VEPH1: variants seen among roughly 807,000 people sequenced by gnomAD.
VEPH1 encodes ventricular zone-expressed PH domain-containing protein homolog 1.
VEPH1 carries 80 observed loss-of-function variants against 85.2 expected under a neutral mutation model. The observed-to-expected ratio is 0.94, with a 90% CI of 0.78 to 1.13. The LOEUF (loss-of-function observed/expected upper bound fraction) is 1.13. Ranked by LOEUF, VEPH1 falls within the 50% of genes most tolerant of loss-of-function variation. VEPH1 has a pLI of 0.00. For synonymous variants in VEPH1, 297 were observed against 348.0 expected, an observed-to-expected ratio of 0.85 and a Z score of 1.63; for missense variants, 955 against 980.5, an observed-to-expected ratio of 0.97 and a Z score of 0.35.
chr3:157,332,151 T>C (rs1722568493), intron 9 of VEPH1, among the ~76,000 whole-genome samples: 1 of 152,224 alleles, frequency 6.6e-6, no homozygotes. Context: ...TGTTTATTTG[T>C]GGAGGATATG....
intron 3 of VEPH1, 107 bp downstream of exon 3, chr3:157,470,207 C>T: frequency 2.0e-6 from 2 of 1,009,880 alleles, no homozygotes; most frequent in South Asian, 1.5e-5. Flanking sequence ...TGTCTTTTTA[C>T]AGTATCTAAA....
intron 2 of VEPH1, among the ~76,000 whole-genome samples, chr3:157,485,329 A>C (rs1169862969): frequency 6.6e-6 from 1 of 152,204 alleles, no homozygotes; most frequent in Non-Finnish European, 1.5e-5. Context: ...CATGTAGGCC[A>C]TGACAACTAT....
chr3:157,286,418 C>A (rs1200932863), intron 12 of VEPH1, 139 bp downstream of exon 12: 1 of 730,198 alleles, frequency 1.4e-6, no homozygotes, highest in Non-Finnish European at 2.4e-6. Context: ...TTTCTCAGCA[C>A]AAAGCAGGGA....
intron 9 of VEPH1, among the ~76,000 whole-genome samples, chr3:157,354,625 C>T (rs1042340046): frequency 1.3e-5 from 2 of 152,028 alleles, no homozygotes; most frequent in African/African-American, 2.4e-5. Flanking sequence ...ATTCTTTATC[C>T]CCCCTCCAAC....
intron 9 of VEPH1, among the ~76,000 whole-genome samples, chr3:157,341,531 G>C (rs1577382642): frequency 6.8e-6 from 1 of 148,078 alleles, no homozygotes; most frequent in South Asian, 2.1e-4. Flanking sequence ...TATGTGAAAC[G>C]ACCAAATCTA....
intron 3 of VEPH1, among the ~76,000 whole-genome samples, chr3:157,460,750 G>A (rs1735790462): frequency 6.6e-6 from 1 of 152,182 alleles, no homozygotes; most frequent in East Asian, 1.9e-4. Flanking sequence ...AAAGAAGGAA[G>A]AGTAGGTATG....
intron 9 of VEPH1, among the ~76,000 whole-genome samples, chr3:157,358,250 T>C (rs1174270025): frequency 6.6e-6 from 1 of 152,120 alleles, no homozygotes; most frequent in Non-Finnish European, 1.5e-5. Flanking sequence ...TGGGAGCAGG[T>C]AAGTAAGGTA....
At chr3:157,346,007 C>T (rs192236240) in intron 9 of VEPH1, among the ~76,000 whole-genome samples, 89 of 149,598 alleles carry the variant, frequency 5.9e-4, no homozygotes, top group Admixed American at 1.0e-3. Context: ...GGAAGGGGAA[C>T]ATCACACACC....
intron 4 of VEPH1, among the ~76,000 whole-genome samples, chr3:157,458,521 T>G (rs1221814830): frequency 6.6e-6 from 1 of 152,220 alleles, no homozygotes. Flanking sequence ...TTCTGGATAT[T>G]AGACCTTTTT....
At chr3:157,394,729 G>A (rs1730202059) in intron 6 of VEPH1, among the ~76,000 whole-genome samples, 1 of 152,144 alleles carries the variant, frequency 6.6e-6, no homozygotes, top group South Asian at 2.1e-4. Flanking sequence ...TTACTATCTT[G>A]AGAGCAGCAT....
chr3:157,468,023 G>A (rs1736552001), intron 3 of VEPH1, among the ~76,000 whole-genome samples: 1 of 152,154 alleles, frequency 6.6e-6, no homozygotes, highest in Admixed American at 6.5e-5. Flanking sequence ...ATAAATGTTA[G>A]AATTATGGGC....
In VEPH1 at chr3:157,437,997, T is replaced by A. The variant is rs954048397; in HGVS notation, c.530-9509A>T. The A allele has an allele frequency of 1.3e-5, 19 of 1,457,510 alleles. No homozygotes were observed. In the Admixed American group the frequency reaches 4.6e-4, roughly 36 times the overall value. The allele number at this position is 1,457,510 out of a possible 1,614,324, so 90.3% of individuals were successfully genotyped here. A position where few individuals can be genotyped will look rare whatever the true frequency, so the allele number is the denominator to read the frequency against. ...TAACGGCAAGCCAAGCCAGGCAACC[T>A]TCTAGGGGAAGCTTTCATGGGAAGC... On this transcript the variant is annotated intron_variant, in intron 4 of 13. Transcript: ENST00000362010.
intron 9 of VEPH1, among the ~76,000 whole-genome samples, chr3:157,323,673 T>C (rs1231026185): frequency 1.3e-5 from 2 of 152,168 alleles, no homozygotes; most frequent in East Asian, 3.8e-4. Flanking sequence ...TTGTTTTGAC[T>C]TATCCAGAGA....
At chr3:157,396,989 T>C (rs1218473494) in intron 6 of VEPH1, among the ~76,000 whole-genome samples, 3 of 149,054 alleles carry the variant, frequency 2.0e-5, no homozygotes, top group African/African-American at 7.3e-5. Flanking sequence ...GCTTTTGACA[T>C]TTTCATCATG....
intron 2 of VEPH1, among the ~76,000 whole-genome samples, chr3:157,494,133 T>G (rs1385822120): frequency 6.6e-6 from 1 of 152,174 alleles, no homozygotes; most frequent in Non-Finnish European, 1.5e-5. Flanking sequence ...CATTGGTCAC[T>G]GGGGGGAGTT....
At chr3:157,460,977 T>C (rs1305390492) in intron 3 of VEPH1, among the ~76,000 whole-genome samples, 1 of 152,128 alleles carries the variant, frequency 6.6e-6, no homozygotes, top group Non-Finnish European at 1.5e-5. Flanking sequence ...CAGGAATCAC[T>C]TGTCAGATTT....
intron 9 of VEPH1, among the ~76,000 whole-genome samples, chr3:157,330,188 A>G (rs760799781): frequency 2.6e-5 from 4 of 152,214 alleles, no homozygotes; most frequent in Non-Finnish European, 5.9e-5. Flanking sequence ...ACATCATAAC[A>G]ACTTCACTTT....
intron 6 of VEPH1, among the ~76,000 whole-genome samples, chr3:157,390,923 C>T (rs540661960): frequency 1.3e-5 from 2 of 152,364 alleles, no homozygotes; most frequent in African/African-American, 4.8e-5. Context: ...TTTTTGGGCA[C>T]CACCACATTC....
chr3:157,454,858 C>G (rs1735239594), intron 4 of VEPH1, among the ~76,000 whole-genome samples: 1 of 152,098 alleles, frequency 6.6e-6, no homozygotes, highest in African/African-American at 2.4e-5. Flanking sequence ...CATGTGGTAT[C>G]TGCATTAATT....
Sources: gnomAD v4.1 joint callset for allele counts (sites outside exome capture counted in the v4.1 genomes callset) on GRCh38, gnomAD v4.1.1 for gene constraint, MANE v1.5 for transcripts, NCBI Gene and HGNC (gene_info 2026-07-23, HGNC 2026-07-21) for gene names.